MPP7: variants seen among roughly 807,000 people sequenced by gnomAD.
The protein encoded by MPP7 is MAGUK p55 scaffold protein 7.
Under a neutral mutation model 76.5 loss-of-function variants are expected in MPP7, and 60 were observed. That is an observed-to-expected ratio of 0.78 (90% confidence interval 0.64 to 0.97). The LOEUF is 0.97. MPP7 is among the 50% of genes least tolerant of loss of function. The pLI is 0.00. For synonymous variants in MPP7, 237 were observed against 244.5 expected, an observed-to-expected ratio of 0.97 and a Z score of 0.29; for missense variants, 641 against 694.0, an observed-to-expected ratio of 0.92 and a Z score of 0.86.
chr10:28,272,428 T>C (rs1170152468), intron 1 of MPP7, among the ~76,000 whole-genome samples: 14 of 152,238 alleles, frequency 9.2e-5, no homozygotes, highest in Admixed American at 4.6e-4. Context: ...TGTGTGTGCA[T>C]ATATAGTTAT....
intron 11 of MPP7, among the ~76,000 whole-genome samples, chr10:28,115,600 A>C (rs930031659): frequency 6.6e-6 from 1 of 152,218 alleles, no homozygotes; most frequent in Non-Finnish European, 1.5e-5. Flanking sequence ...AGCTTACTCA[A>C]CTTGAAAAGC....
chr10:28,252,582 G>A (rs556754523), intron 1 of MPP7, among the ~76,000 whole-genome samples: 4 of 152,254 alleles, frequency 2.6e-5, no homozygotes, highest in South Asian at 2.1e-4. Flanking sequence ...TAGGTCCCCC[G>A]TTTTCTAGAT....
At chr10:28,219,771 G>T (rs776100830) in intron 2 of MPP7, among the ~76,000 whole-genome samples, 1 of 151,856 alleles carries the variant, frequency 6.6e-6, no homozygotes, top group African/African-American at 2.4e-5. Context: ...ATATATCGAC[G>T]CCCAGAACAA....
intron 3 of MPP7, among the ~76,000 whole-genome samples, chr10:28,174,367 G>C (rs1043157786): frequency 4.6e-5 from 7 of 152,146 alleles, no homozygotes; most frequent in African/African-American, 1.4e-4. Context: ...TAGAGAGTGA[G>C]TTCTCACTCT....
intron 5 of MPP7, among the ~76,000 whole-genome samples, chr10:28,143,045 T>C (rs760391505): frequency 6.6e-5 from 10 of 152,098 alleles, no homozygotes; most frequent in Non-Finnish European, 1.2e-4. Context: ...GTCTGTAAGT[T>C]AAAATAGGTA....
At chr10:28,105,683 T>C (rs975213200) in intron 11 of MPP7, among the ~76,000 whole-genome samples, 43 of 152,140 alleles carry the variant, frequency 2.8e-4, no homozygotes, top group African/African-American at 9.7e-4. Flanking sequence ...AATTTTTGTA[T>C]TTTCAGTAGA....
At chr10:28,290,257 C>T (rs921210930) in intron 1 of MPP7, among the ~76,000 whole-genome samples, 1 of 151,556 alleles carries the variant, frequency 6.6e-6, no homozygotes, top group African/African-American at 2.4e-5. Context: ...TAAGTGGCCC[C>T]ACTCACGAAT....
At chr10:28,115,711 A>G (rs1834647040) in intron 11 of MPP7, among the ~76,000 whole-genome samples, 2 of 152,188 alleles carry the variant, frequency 1.3e-5, no homozygotes, top group South Asian at 4.1e-4. Flanking sequence ...TATTTTACTC[A>G]ATGCTTAAAT....
At chr10:28,180,031 C>T (rs1474354784) in intron 3 of MPP7, among the ~76,000 whole-genome samples, 1 of 152,104 alleles carries the variant, frequency 6.6e-6, no homozygotes, top group Non-Finnish European at 1.5e-5. Context: ...ACAATTAAAA[C>T]ACTAATTGCA....
intron 3 of MPP7, among the ~76,000 whole-genome samples, chr10:28,156,268 A>G (rs538608414): frequency 3.9e-5 from 6 of 152,314 alleles, no homozygotes; most frequent in Admixed American, 3.9e-4. Flanking sequence ...GAAAGTCACC[A>G]TTAAAAGAGT....
At chr10:28,290,211 A>C (rs982919535) in intron 1 of MPP7, among the ~76,000 whole-genome samples, 8 of 152,206 alleles carry the variant, frequency 5.3e-5, no homozygotes, top group African/African-American at 1.9e-4. Context: ...TAACAAAATA[A>C]AAGTATGCCT....
intron 2 of MPP7, among the ~76,000 whole-genome samples, chr10:28,323,455 A>G (rs1289251642): frequency 9.1e-4 from 43 of 47,500 alleles, no homozygotes; most frequent in African/African-American, 3.9e-3. Context: ...TCTATCTAGG[A>G]AAAAAAAAAA....
At chr10:28,194,704 G>A (rs1027441472) in intron 3 of MPP7, among the ~76,000 whole-genome samples, 3 of 152,198 alleles carry the variant, frequency 2.0e-5, no homozygotes, top group African/African-American at 7.2e-5. Flanking sequence ...AACTATCAGT[G>A]ATTGCTGAGC....
At chr10:28,279,641 G>T (rs1339874758) in intron 1 of MPP7, among the ~76,000 whole-genome samples, 1 of 151,550 alleles carries the variant, frequency 6.6e-6, no homozygotes, top group African/African-American at 2.4e-5. Context: ...GGATGTGGAG[G>T]TTGCAGTGAG....
intron 11 of MPP7, among the ~76,000 whole-genome samples, chr10:28,108,809 C>T (rs1834406708): frequency 6.6e-6 from 1 of 152,104 alleles, no homozygotes; most frequent in African/African-American, 2.4e-5. Flanking sequence ...TGGGGAAGAT[C>T]ATTTTAATGC....
chr10:28,314,699 C>T (rs890080087), intron 2 of MPP7, among the ~76,000 whole-genome samples: 2 of 152,148 alleles, frequency 1.3e-5, no homozygotes, highest in African/African-American at 2.4e-5. Context: ...AGGCCATTTC[C>T]TTATTAATAA....
At chr10:28,124,466 A>T (rs1214504436) in intron 7 of MPP7, among the ~76,000 whole-genome samples, 42 of 80,048 alleles carry the variant, frequency 5.2e-4, no homozygotes, top group Admixed American at 1.2e-3. Context: ...AAGAAACAAG[A>T]TTTTTTTTTT....
At chr10:28,128,700 G>C (rs1835096573) in intron 6 of MPP7, among the ~76,000 whole-genome samples, 1 of 152,170 alleles carries the variant, frequency 6.6e-6, no homozygotes, top group Non-Finnish European at 1.5e-5. Flanking sequence ...CAGATTTGGG[G>C]ACAAAGATCA....
intron 11 of MPP7, among the ~76,000 whole-genome samples, chr10:28,096,671 A>G (rs1853585126): frequency 6.6e-6 from 1 of 152,158 alleles, no homozygotes; most frequent in Non-Finnish European, 1.5e-5. Context: ...CATTGTTTCT[A>G]TAACTTTTCC....
Sources: gnomAD v4.1 joint callset for allele counts (sites outside exome capture counted in the v4.1 genomes callset) on GRCh38, gnomAD v4.1.1 for gene constraint, MANE v1.5 for transcripts, NCBI Gene and HGNC (gene_info 2026-07-23, HGNC 2026-07-21) for gene names.